Variants in DCAF10 observed in about 807,000 individuals in gnomAD.
DCAF10 encodes DDB1- and CUL4-associated factor 10.
In DCAF10, 19 loss-of-function variants were observed where a neutral mutation model predicts 51.9. The ratio of observed to expected loss-of-function variants is 0.37; its 90% confidence interval spans 0.26 to 0.54. The LOEUF (loss-of-function observed/expected upper bound fraction) is 0.54. DCAF10 is among the 20% of genes least tolerant of loss of function. DCAF10 has a pLI of 0.87. For missense variants in DCAF10, 510 were observed against 730.6 expected, an observed-to-expected ratio of 0.70 and a Z score of 3.48; for synonymous variants, 291 against 297.1, an observed-to-expected ratio of 0.98 and a Z score of 0.21.
At chr9:37,860,256 G>C in intron 6 of DCAF10, 63 bp downstream of exon 6, 1 of 1,603,622 alleles carries the variant, frequency 6.2e-7, no homozygotes, top group Admixed American at 1.7e-5. Flanking sequence ...TGCCGTGTGT[G>C]CAGAGCTTAG....
Position 37,867,349 on chromosome 9 carries a change from C to T in DCAF10, c.*5841C>T, listed in dbSNP as rs1831157299. ...GTAGATTTTCAGCTTTCTTAAGTTT[C>T]TCCCTCATTTAGATTTCATGGTTTT... On this transcript the variant is annotated 3_prime_UTR_variant, in exon 7 of 7. Coordinates refer to ENST00000377724, the MANE Select transcript of DCAF10 (RefSeq NM_024345.5). 1 of 152,050 alleles carries T rather than the reference C, an allele frequency of 6.6e-6. No individual in the cohort carries two copies. The highest frequency in any genetic ancestry group is 6.6e-5 in the Admixed American group (1 of 15,246). The allele number at this position is 152,050 out of a possible 1,614,324, so 9.4% of individuals were successfully genotyped here.
chr9:37,836,120 C>A, intron 2 of DCAF10: 1 of 1,318,536 alleles, frequency 7.6e-7, no homozygotes, highest in Non-Finnish European at 1.1e-6. Context: ...TTAAAGTACA[C>A]GAACCTCCAA....
chr9:37,828,576 C>CT (rs1483642251), intron 2 of DCAF10, among the ~76,000 whole-genome samples: 2 of 152,188 alleles, frequency 1.3e-5, no homozygotes, highest in African/African-American at 2.4e-5. Flanking sequence ...TACCAACAGA[C>CT]TTTTTCATAA....
rs1389831980 is a variant in DCAF10, at chr9:37,861,878, A to G, written c.*370A>G. The stretch of plus-strand genomic sequence containing the variant: ...TTTGTGTTTGTTGATTTTGGTGTCA[A>G]TTTTGTGGACATTTGGCAGGAGTTT... On this transcript the variant is annotated 3_prime_UTR_variant, in exon 7 of 7. Coordinates refer to ENST00000377724, the MANE Select transcript of DCAF10 (RefSeq NM_024345.5). This position sits in a 1 kb window ranked among gnomAD's most constrained non-coding sequence, Gnocchi z 4.9. 2 of 179,204 alleles carry G rather than the reference A, an allele frequency of 1.1e-5. No individual in the cohort carries two copies. The highest frequency in any genetic ancestry group is 2.4e-5 in the African/African-American group (1 of 42,448). 11.1% of individuals were successfully genotyped at this position (179,204 alleles called of 1,614,324 possible). A position where few individuals can be genotyped will look rare whatever the true frequency, so the allele number is the denominator to read the frequency against.
At chr9:37,826,887 G>A (rs947154559) in intron 2 of DCAF10, among the ~76,000 whole-genome samples, 1 of 146,004 alleles carries the variant, frequency 6.8e-6, no homozygotes, top group Non-Finnish European at 1.5e-5. Context: ...GAGCAATGGC[G>A]CGATCTCGGC....
intron 3 of DCAF10, among the ~76,000 whole-genome samples, chr9:37,846,606 A>G (rs1166427951): frequency 6.6e-6 from 1 of 151,964 alleles, no homozygotes; most frequent in African/African-American, 2.4e-5. Flanking sequence ...ACAGGCATCC[A>G]CCACCACCCC....
rs529843098 is a variant in DCAF10 at position 37,808,210 on chromosome 9, G to C, written c.539+6805G>C. Reference sequence around the variant, plus strand: ...ACACTTTGGGAGGCTGAGGCAGGTGGATCACTTGAGCCTGGGAGTTCCAGA... The same window carrying C: ...ACACTTTGGGAGGCTGAGGCAGGTGCATCACTTGAGCCTGGGAGTTCCAGA... On this transcript the variant is annotated intron_variant, in intron 1 of 6. Coordinates refer to ENST00000377724, the MANE Select transcript of DCAF10 (RefSeq NM_024345.5). Among the ~76,000 whole-genome samples, 33 of 151,800 alleles carry C rather than the reference G, an allele frequency of 2.2e-4. No individual in the cohort carries two copies. In the South Asian group the frequency reaches 6.8e-3, roughly 32 times the overall value.
At chr9:37,840,283 A>G (rs1188686171) in intron 2 of DCAF10, among the ~76,000 whole-genome samples, 2 of 152,196 alleles carry the variant, frequency 1.3e-5, no homozygotes, top group Non-Finnish European at 2.9e-5. Context: ...AAACTGTAAA[A>G]CAGCCTCAGG....
rs1828940056 is a variant in DCAF10, at chr9:37,801,444, C to G, written c.539+39C>G. Reference sequence around the variant, plus strand: ...CTCGGAGGGCGGGCGCCCGCCTCCGCCCGGCTCTGCTGCCAGCGGACGGCC... The same window carrying G: ...CTCGGAGGGCGGGCGCCCGCCTCCGGCCGGCTCTGCTGCCAGCGGACGGCC... On this transcript the variant is annotated intron_variant, in intron 1 of 6. Transcript: ENST00000377724. The surrounding 1 kb of genome is among the most constrained non-coding windows in gnomAD (Gnocchi z 5.5). The G allele has an allele frequency of 1.0e-5, 14 of 1,397,728 alleles. No individual in the cohort carries two copies. The highest frequency in any genetic ancestry group is 1.3e-5 in the Non-Finnish European group (14 of 1,074,750). 86.6% of individuals were successfully genotyped at this position (1,397,728 alleles called of 1,614,324 possible).
rs1275899879 is a variant in DCAF10, at chr9:37,857,308, T to C, written c.1122T>C (p.Ser374=). The change falls in exon 5 of 7, where the codon TCT becomes TCC. Residue 374 remains serine (S), a synonymous_variant. Transcript: ENST00000377724. ...GCTCACCTTGTCATCATAGTGATTC[T>C]AATTCTTCTGAGAAACACATGTCAC... is the stretch of plus-strand genomic sequence containing the variant. ...VSGSPCHHSD[S]NSSEKHMSRA... is the part of the protein sequence containing the mutation. The C allele has an allele frequency of 6.2e-7, 1 of 1,611,326 alleles. No homozygotes were observed. The highest frequency in any genetic ancestry group is 1.7e-5 in the Admixed American group (1 of 59,446).
intron 3 of DCAF10, among the ~76,000 whole-genome samples, chr9:37,844,750 C>T (rs7047441): frequency 0.17 from 25,883 of 152,044 alleles, 2,364 homozygotes; most frequent in African/African-American, 0.22. Flanking sequence ...GCAGGAGAAT[C>T]GCTTGAACCT....
At chr9:37,810,701 A>T (rs1263691272) in intron 1 of DCAF10, among the ~76,000 whole-genome samples, 2 of 152,124 alleles carry the variant, frequency 1.3e-5, no homozygotes, top group Non-Finnish European at 2.9e-5. Context: ...ACCTCAGGTG[A>T]TCTGTCTGCC....
Position 37,829,233 on chromosome 9 carries a change from A to G in DCAF10, c.653+9832A>G, listed in dbSNP as rs1829939885. 6.6e-6 allele frequency among the ~76,000 whole-genome samples: 1 copy of G among 152,068 alleles called. No individual in the cohort carries two copies. Among genetic ancestry groups the G allele is most frequent in the African/African-American group, 2.4e-5 (1 of 41,412 alleles). ...TTTGGGTGGATCACCTGAGGTAGGG[A>G]GTTCGAGACCAGCCTGACCAACATG... is the stretch of plus-strand genomic sequence containing the variant. On this transcript the variant is annotated intron_variant, in intron 2 of 6. Transcript: ENST00000377724. The surrounding 1 kb of genome is among the most constrained non-coding windows in gnomAD (Gnocchi z 4.2).
At chr9:37,808,396 G>A (rs1007765101) in intron 1 of DCAF10, among the ~76,000 whole-genome samples, 35 of 142,080 alleles carry the variant, frequency 2.5e-4, no homozygotes, top group African/African-American at 8.7e-4. Flanking sequence ...CGACAGCCTG[G>A]GCGACAGAAT....
rs911741787 is a variant in DCAF10, at chr9:37,867,611, C to T, written c.*6103C>T. 3 of 151,948 alleles carry T rather than the reference C, an allele frequency of 2.0e-5. No individual in the cohort carries two copies. Among genetic ancestry groups the T allele is most frequent in the African/African-American group, 7.3e-5 (3 of 41,348 alleles). 9.4% of individuals were successfully genotyped at this position (151,948 alleles called of 1,614,324 possible). On this transcript the variant is annotated 3_prime_UTR_variant, in exon 7 of 7. Transcript: ENST00000377724. ...TTTATTTATTCTTGTATCCTCAGTG[C>T]CTGGTACAGGACTTGACACAGAGTA...
chr9:37,849,726 CA>C (rs1208789450), intron 3 of DCAF10, among the ~76,000 whole-genome samples: 2 of 152,090 alleles, frequency 1.3e-5, no homozygotes, highest in South Asian at 4.2e-4. Context: ...ACTAAAAATA[CA>C]AAAAAATTAG....
chr9:37,832,220 C>CTGG (rs1830029072), intron 2 of DCAF10: 1 of 151,636 alleles, frequency 6.6e-6, no homozygotes, highest in Non-Finnish European at 1.5e-5. Flanking sequence ...TACCTTGGGA[C>CTGG]GCCGAGGTGG....
At chr9:37,828,451 AG>A (rs1228952252) in intron 2 of DCAF10, among the ~76,000 whole-genome samples, 11 of 150,094 alleles carry the variant, frequency 7.3e-5, no homozygotes, top group African/African-American at 2.8e-4. Context: ...CTCAGAAAAA[AG>A]AAAAAAGAAA....
Position 37,860,106 on chromosome 9 carries a change from C to G in DCAF10, c.1224C>G (p.Asp408Glu). ...VVTPEVLGES[D>E]HGNCITSLQL... is the part of the protein sequence containing the mutation. ...CCCCTGAAGTTCTTGGTGAGAGTGACCACGGAAACTGCATCACGTCCTTAC... is the reference window on the plus strand; with the variant it reads ...CCCCTGAAGTTCTTGGTGAGAGTGAGCACGGAAACTGCATCACGTCCTTAC... The change falls in exon 6 of 7, where the codon GAC (aspartate) becomes GAG (glutamate). Residue 408 changes from aspartate (D) to glutamate (E), a missense_variant. This residue lies in a region of DCAF10 where 104 missense variants were observed against 206.2 expected (regional missense o/e 0.50). Coordinates refer to ENST00000377724, the MANE Select transcript of DCAF10 (RefSeq NM_024345.5). 6.2e-7 allele frequency: 1 copy of G among 1,614,098 alleles called. No homozygotes were observed. The highest frequency in any genetic ancestry group is 8.5e-7 in the Non-Finnish European group (1 of 1,180,010).
Sources: gnomAD v4.1 joint callset for allele counts (sites outside exome capture counted in the v4.1 genomes callset) on GRCh38, gnomAD v4.1.1 for gene constraint, gnomAD v4.1.1 regional missense constraint, Gnocchi (gnomAD v3.1) non-coding constraint, MANE v1.5 for transcripts, NCBI Gene and HGNC (gene_info 2026-07-23, HGNC 2026-07-21) for gene names.